Variants in ANKFY1 observed in about 807,000 individuals in gnomAD.
The protein encoded by ANKFY1 is ankyrin repeat and FYVE domain containing 1, also known as ankyrin repeat and FYVE domain-containing protein 1.
ANKFY1 carries 47 observed loss-of-function variants against 128.3 expected under a neutral mutation model. That is an observed-to-expected ratio of 0.37 (90% CI 0.29 to 0.47). The LOEUF is 0.47. Among genes scored for constraint, ANKFY1 ranks in the 20% least tolerant of loss-of-function variants. The pLI is 1.00. For missense variants in ANKFY1, 1,222 were observed against 1,510.6 expected, an observed-to-expected ratio of 0.81 and a Z score of 3.17; for synonymous variants, 553 against 601.6, an observed-to-expected ratio of 0.92 and a Z score of 1.18.
At chr17:4,203,871 A>T (rs60869412) in intron 7 of ANKFY1, among the ~76,000 whole-genome samples, 1 of 150,414 alleles carries the variant, frequency 6.6e-6, no homozygotes, top group African/African-American at 2.4e-5. Context: ...AAAGAAACCC[A>T]TCAACTGATG....
intron 10 of ANKFY1, chr17:4,194,744 C>T (rs2059785893): frequency 3.8e-6 from 2 of 528,834 alleles, no homozygotes; most frequent in Non-Finnish European, 3.4e-6. Context: ...TGCGAGTCGC[C>T]GCATTAAATA....
chr17:4,225,110 C>T (rs1381857605), intron 3 of ANKFY1, among the ~76,000 whole-genome samples: 1 of 151,530 alleles, frequency 6.6e-6, no homozygotes, highest in Non-Finnish European at 1.5e-5. Flanking sequence ...AATCCCAGAA[C>T]TCTGGGAGGC....
chr17:4,182,918 C>T (rs2059541262), intron 14 of ANKFY1, among the ~76,000 whole-genome samples: 1 of 152,102 alleles, frequency 6.6e-6, no homozygotes, highest in Admixed American at 6.5e-5. Context: ...CCAGCCTGGC[C>T]AACATGGTGA....
intron 4 of ANKFY1, 57 bp downstream of exon 4, chr17:4,216,926 T>C (rs1183762543): frequency 6.2e-7 from 1 of 1,610,574 alleles, no homozygotes; most frequent in Admixed American, 1.7e-5. Context: ...GAGCTCGGCA[T>C]AATTAAAGCT....
At position 4,165,842 on chromosome 17, in the gene ANKFY1, T is replaced by C. The variant is rs2059202170; in HGVS notation, c.*1937A>G. On this transcript the variant is annotated 3_prime_UTR_variant, in exon 25 of 25. Coordinates refer to ENST00000341657, the MANE Select transcript of ANKFY1 (RefSeq NM_001330063.2). Reference sequence around the variant, plus strand: ...TCCCACATTCCTTTTAAAGAACAGGTATCCATGTACCAACCACTTCAATTC... The same window carrying C: ...TCCCACATTCCTTTTAAAGAACAGGCATCCATGTACCAACCACTTCAATTC... 1 of 152,178 alleles carries C rather than the reference T, an allele frequency of 6.6e-6. No individual in the cohort carries two copies. Among genetic ancestry groups the C allele is most frequent in the Admixed American group, 6.5e-5 (1 of 15,272 alleles). 9.4% of individuals were successfully genotyped at this position (152,178 alleles called of 1,614,324 possible).
intron 10 of ANKFY1, among the ~76,000 whole-genome samples, chr17:4,191,570 G>A (rs878883986): frequency 4.0e-5 from 6 of 148,946 alleles, no homozygotes; most frequent in Admixed American, 1.3e-4. Context: ...GTTGATGGTT[G>A]CTCTAATCTG....
intron 24 of ANKFY1, chr17:4,168,188 C>G (rs1431074129): frequency 4.1e-6 from 1 of 246,096 alleles, no homozygotes; most frequent in Non-Finnish European, 7.8e-6. Flanking sequence ...CATGGTGGCT[C>G]ACGCCTGTAA....
At chr17:4,235,966 A>C in intron 2 of ANKFY1, 76 bp from the exon 3 acceptor site, 1 of 1,022,866 alleles carries the variant, frequency 9.8e-7, no homozygotes, top group Non-Finnish European at 1.5e-6. Flanking sequence ...ACAGCTGATA[A>C]ACACATGAGT....
intron 4 of ANKFY1, among the ~76,000 whole-genome samples, chr17:4,214,637 T>C (rs1313973392): frequency 6.6e-6 from 1 of 151,782 alleles, no homozygotes; most frequent in East Asian, 1.9e-4. Context: ...GCGATTCTCC[T>C]GCCTCAGCCT....
intron 1 of ANKFY1, among the ~76,000 whole-genome samples, chr17:4,251,374 G>A (rs982312646): frequency 6.6e-6 from 1 of 151,982 alleles, no homozygotes; most frequent in Non-Finnish European, 1.5e-5. Context: ...AGGAGTTTGA[G>A]GCTATAAAGC....
At chr17:4,201,177 C>T (rs1320329688) in intron 7 of ANKFY1, among the ~76,000 whole-genome samples, 2 of 152,136 alleles carry the variant, frequency 1.3e-5, no homozygotes, top group Non-Finnish European at 2.9e-5. Flanking sequence ...GGTACAGGCG[C>T]ATGCCACCCT....
chr17:4,225,213 C>T (rs2060405022), intron 3 of ANKFY1, among the ~76,000 whole-genome samples: 1 of 151,882 alleles, frequency 6.6e-6, no homozygotes, highest in Non-Finnish European at 1.5e-5. Flanking sequence ...AAAAAGTAGC[C>T]GAGCGTAGTG....
intron 13 of ANKFY1, 64 bp from the exon 14 acceptor site, chr17:4,183,615 A>T (rs1197370311): frequency 6.3e-7 from 1 of 1,588,868 alleles, no homozygotes; most frequent in African/African-American, 1.3e-5. Context: ...ATCTTACTAC[A>T]ACAGCCAGAC....
chr17:4,183,381 G>C lies in ANKFY1; in HGVS notation c.1952+17C>G, dbSNP rs1212664740. The C allele has an allele frequency of 3.7e-6, 6 of 1,611,728 alleles. No individual in the cohort carries two copies. In the South Asian group the frequency reaches 4.4e-5, roughly 12 times the overall value. ...ATTGTTACCTGGTGTTAGGTGGAGA[G>C]AGCGGCTTCCTCCTACCTGACATTT... On this transcript the variant is annotated intron_variant, in intron 14 of 24. Coordinates refer to ENST00000341657, the MANE Select transcript of ANKFY1 (RefSeq NM_001330063.2).
At chr17:4,257,747 T>C (rs1968199574) in intron 1 of ANKFY1, among the ~76,000 whole-genome samples, 1 of 152,256 alleles carries the variant, frequency 6.6e-6, no homozygotes, top group African/African-American at 2.4e-5. Flanking sequence ...GAACTCCCTG[T>C]GAATAAGCTT....
rs1439443050 is a variant in ANKFY1, at chr17:4,170,701, A to G, written c.3286+14T>C. On this transcript the variant is annotated intron_variant, in intron 23 of 24. Transcript: ENST00000341657. ...CTGTGCTTGCACTGTGAGAGCAGAG[A>G]GCGGGCCACTCACCCAGCAGTCGGA... 6.2e-7 allele frequency: 1 copy of G among 1,600,734 alleles called. No individual in the cohort carries two copies. Among genetic ancestry groups the G allele is most frequent in the African/African-American group, 1.3e-5 (1 of 74,840 alleles).
At chr17:4,211,738 C>A (rs1479081457) in intron 4 of ANKFY1, among the ~76,000 whole-genome samples, 3 of 151,942 alleles carry the variant, frequency 2.0e-5, no homozygotes, top group Middle Eastern at 3.2e-3. Context: ...GGCATGGTAG[C>A]ATGTGCCTGT....
At chr17:4,200,163 T>C (rs757926984) in intron 7 of ANKFY1, among the ~76,000 whole-genome samples, 2 of 151,718 alleles carry the variant, frequency 1.3e-5, no homozygotes, top group African/African-American at 4.8e-5. Flanking sequence ...CAGGGCTCAG[T>C]TGATCCTCCC....
chr17:4,236,640 C>G (rs1273165934), intron 2 of ANKFY1, among the ~76,000 whole-genome samples: 3 of 152,138 alleles, frequency 2.0e-5, no homozygotes, highest in African/African-American at 4.8e-5. Flanking sequence ...TAGGCTGACA[C>G]GAACACATGC....
Sources: allele counts gnomAD v4.1 joint callset (sites outside exome capture counted in the v4.1 genomes callset), GRCh38; gene constraint gnomAD v4.1.1; transcripts MANE v1.5; gene names NCBI Gene and HGNC (gene_info 2026-07-23, HGNC 2026-07-21).